The following HSP90AA1 variants were observed in gnomAD, a reference collection of about 807,000 sequenced individuals.
HSP90AA1 encodes heat shock protein 90 alpha family class A member 1.
Under a neutral mutation model 73.3 loss-of-function variants are expected in HSP90AA1, and 18 were observed. The observed-to-expected ratio is 0.25, with a 90% CI of 0.17 to 0.36. HSP90AA1 has a LOEUF of 0.36. Ranked by LOEUF, HSP90AA1 falls within the 10% of genes least tolerant of loss-of-function variation. HSP90AA1 has a pLI of 1.00. For missense variants in HSP90AA1, 704 were observed against 874.2 expected (o/e 0.81, Z 2.45); for synonymous variants, 477 against 296.9 (o/e 1.61, Z -6.24).
At chr14:102,122,914 C>A (rs546535607) in intron 1 of HSP90AA1, among the ~76,000 whole-genome samples, 1 of 150,440 alleles carries the variant, frequency 6.6e-6, no homozygotes, top group South Asian at 2.1e-4. Context: ...GTGATCCACC[C>A]GCCTCAGCCT....
exon 1 of HSP90AA1, chr14:102,139,285 G>T (rs1464105285): frequency 6.2e-7 from 1 of 1,613,946 alleles, no homozygotes; most frequent in Middle Eastern, 1.6e-4. Context: ...CTTCAGAGGG[G>T]CTTCCTGGGC....
intron 1 of HSP90AA1, among the ~76,000 whole-genome samples, chr14:102,138,566 A>C (rs868366100): frequency 6.6e-6 from 1 of 152,046 alleles, no homozygotes; most frequent in Non-Finnish European, 1.5e-5. Context: ...GTATTACTAC[A>C]TCATTGGCAC....
chr14:102,085,523 G>A, intron 3 of HSP90AA1, 92 bp from the exon 4 acceptor site: 6 of 1,368,458 alleles, frequency 4.4e-6, no homozygotes, highest in East Asian at 2.3e-5. Flanking sequence ...ATAAAGCAAG[G>A]TTTGCCGTTA....
chr14:102,130,507 T>C (rs1001056309), intron 1 of HSP90AA1, among the ~76,000 whole-genome samples: 1 of 152,228 alleles, frequency 6.6e-6, no homozygotes, highest in Non-Finnish European at 1.5e-5. Flanking sequence ...CATCTCCTTG[T>C]GGTTTTAATT....
intron 2 of HSP90AA1, chr14:102,101,775 G>C: frequency 1.1e-6 from 1 of 925,996 alleles, no homozygotes; most frequent in Non-Finnish European, 1.7e-6. Context: ...GAGTGACATT[G>C]TTTTAGCTTT....
chr14:102,123,945 T>C (rs1373183249), intron 1 of HSP90AA1, among the ~76,000 whole-genome samples: 2 of 151,360 alleles, frequency 1.3e-5, no homozygotes, highest in African/African-American at 2.4e-5. Flanking sequence ...GGACTACAGG[T>C]GTGTGCCACC....
chr14:102,081,749 C>T lies in HSP90AA1; in HGVS notation c.2162G>A (p.Gly721Glu). The T allele has an allele frequency of 6.3e-7, 1 of 1,594,108 alleles. No homozygotes were observed. The highest frequency in any genetic ancestry group is 8.6e-7 in the Non-Finnish European group (1 of 1,161,802). ...AVTEEMPPLE[G>E]DDDTSRMEEV... ...TTCCATGCGTGATGTGTCGTCATCT[C>T]CTTCAAGGGGTGGCATTTCTTCAGT... The change falls in exon 11 of 11, where the codon GGA becomes GAA. Residue 721 changes from glycine (G) to glutamate (E), a missense_variant. Coordinates refer to ENST00000216281, the MANE Select transcript of HSP90AA1 (RefSeq NM_005348.4).
At chr14:102,082,001 A>T in intron 10 of HSP90AA1, 110 bp downstream of exon 10, 5 of 836,652 alleles carry the variant, frequency 6.0e-6, no homozygotes, top group Non-Finnish European at 8.1e-6. Flanking sequence ...AATACCTCCA[A>T]GCAGCAAGCA....
chr14:102,128,630 GAAAAA>G (rs34691938), intron 1 of HSP90AA1, among the ~76,000 whole-genome samples: 1 of 107,028 alleles, frequency 9.3e-6, no homozygotes, highest in Non-Finnish European at 1.8e-5. Context: ...CTCCGTCTCG[GAAAAA>G]AAAAAAAAAA....
intron 2 of HSP90AA1, among the ~76,000 whole-genome samples, chr14:102,094,270 C>G (rs964910649): frequency 6.6e-6 from 1 of 152,218 alleles, no homozygotes; most frequent in Non-Finnish European, 1.5e-5. Flanking sequence ...AATGTCTGGC[C>G]ACATTGATAA....
chr14:102,118,407 T>C (rs1186033536), intron 1 of HSP90AA1, among the ~76,000 whole-genome samples: 1 of 152,074 alleles, frequency 6.6e-6, no homozygotes, highest in African/African-American at 2.4e-5. Flanking sequence ...ATTACTTCTA[T>C]TACTTATTTT....
At chr14:102,084,371 A>T (rs1270889226) in intron 6 of HSP90AA1, 28 bp downstream of exon 6, 2 of 1,598,396 alleles carry the variant, frequency 1.3e-6, no homozygotes, top group Non-Finnish European at 1.7e-6. Context: ...AATCAGTGAC[A>T]GTGATTATTT....
At chr14:102,094,154 T>C (rs1047227063) in intron 2 of HSP90AA1, among the ~76,000 whole-genome samples, 2 of 152,198 alleles carry the variant, frequency 1.3e-5, no homozygotes, top group Non-Finnish European at 2.9e-5. Context: ...AAAGGCCGGC[T>C]TGGGGTTGGT....
intron 1 of HSP90AA1, among the ~76,000 whole-genome samples, chr14:102,110,402 TTTTGTTTGTTTGTTTG>T (rs144443471): frequency 1.4e-4 from 21 of 149,534 alleles, no homozygotes; most frequent in South Asian, 4.3e-4. Flanking sequence ...AGGCATTCAG[TTTTGTTTGTTTGTTTG>T]TTTGTTTGTT....
Position 102,086,144 on chromosome 14 carries a change from A to G in HSP90AA1, c.163-20T>C, listed in dbSNP as rs1483026944. On this transcript the variant is annotated intron_variant, in intron 2 of 10. Coordinates refer to ENST00000216281, the MANE Select transcript of HSP90AA1 (RefSeq NM_005348.4). The stretch of plus-strand genomic sequence containing the variant: ...CAATGCCTGTTAACAAAAAATATTA[A>G]TTTAAGCATACAGCACCCCCAAGAA... 33 of 1,614,086 alleles carry G rather than the reference A, an allele frequency of 2.0e-5. No individual in the cohort carries two copies. Among genetic ancestry groups the G allele is most frequent in the Non-Finnish European group, 2.7e-5 (32 of 1,179,996 alleles).
chr14:102,107,986 C>T (rs910153058), intron 1 of HSP90AA1, among the ~76,000 whole-genome samples: 3 of 151,068 alleles, frequency 2.0e-5, no homozygotes, highest in African/African-American at 7.3e-5. Context: ...CCTTGAAGCC[C>T]AGGTGCAATG....
chr14:102,110,240 G>A (rs1481447405), intron 1 of HSP90AA1, among the ~76,000 whole-genome samples: 1 of 152,014 alleles, frequency 6.6e-6, no homozygotes, highest in Admixed American at 6.6e-5. Flanking sequence ...GCTGACTCAT[G>A]TTACGTTTTA....
intron 1 of HSP90AA1, among the ~76,000 whole-genome samples, chr14:102,116,365 C>G (rs4264324): frequency 0.83 from 125,716 of 152,158 alleles, 52,908 homozygotes; most frequent in East Asian, 0.97. Context: ...TTCTAGGAGT[C>G]CTTTATTCTT....
Position 102,086,204 on chromosome 14 carries a change from A to G in HSP90AA1, c.162+13T>C, listed in dbSNP as rs764097814. On this transcript the variant is annotated intron_variant, in intron 2 of 10. Transcript: ENST00000216281. ...GAAACCAAAATCCGATTCTGGGTTA[A>G]TAAGTGACTTACATCTGATGAATTT... is the stretch of plus-strand genomic sequence containing the variant. 1.8e-5 allele frequency: 29 copies of G among 1,614,034 alleles called. No homozygotes were observed. The highest frequency in any genetic ancestry group is 5.0e-5 in the Admixed American group (3 of 60,006).
Sources: gnomAD v4.1 joint callset for allele counts (sites outside exome capture counted in the v4.1 genomes callset) on GRCh38, gnomAD v4.1.1 for gene constraint, MANE v1.5 for transcripts, NCBI Gene and HGNC (gene_info 2026-07-23, HGNC 2026-07-21) for gene names.